Variants in PIP5K1B observed in about 807,000 individuals in gnomAD.
PIP5K1B encodes the protein phosphatidylinositol 4-phosphate 5-kinase type-1 beta.
A neutral mutation model predicts 67.0 loss-of-function variants in PIP5K1B; 42 were observed. That is an observed-to-expected ratio of 0.63 (90% CI 0.49 to 0.81). PIP5K1B has a LOEUF of 0.81. PIP5K1B is among the 30% of genes least tolerant of loss of function. The pLI is 0.00. For missense variants in PIP5K1B, 459 were observed against 646.3 expected (o/e 0.71, Z 3.14); for synonymous variants, 214 against 231.4 (o/e 0.92, Z 0.68).
At chr9:68,891,644 T>A (rs919296593) in intron 7 of PIP5K1B, among the ~76,000 whole-genome samples, 1 of 151,990 alleles carries the variant, frequency 6.6e-6, no homozygotes, top group African/African-American at 2.4e-5. Flanking sequence ...GAGTCTTGAG[T>A]ACAAAAAGAA....
At chr9:68,900,823 C>T (rs1205695590) in intron 8 of PIP5K1B, among the ~76,000 whole-genome samples, 1 of 152,138 alleles carries the variant, frequency 6.6e-6, no homozygotes, top group Non-Finnish European at 1.5e-5. Context: ...TGAAACCAGT[C>T]TCAAGAATAC....
intron 6 of PIP5K1B, among the ~76,000 whole-genome samples, chr9:68,880,277 C>G (rs113899826): frequency 0.018 from 2,771 of 152,208 alleles, 79 homozygotes; most frequent in African/African-American, 0.061. Flanking sequence ...GAGAGGCCAA[C>G]TGTGGTGGCT....
chr9:68,948,715 GA>G (rs35259230), intron 14 of PIP5K1B, among the ~76,000 whole-genome samples: 22,441 of 145,376 alleles, frequency 0.15, 1,897 homozygotes, highest in East Asian at 0.41. Flanking sequence ...CCCACCCCCA[GA>G]AAAAAAAAAA....
chr9:68,791,960 GCTTAAAATGGCATCTT>G (rs1470412025), intron 2 of PIP5K1B, among the ~76,000 whole-genome samples: 1 of 152,280 alleles, frequency 6.6e-6, no homozygotes, highest in African/African-American at 2.4e-5. Context: ...TGTGTCCTCT[GCTTAAAATGGCATCTT>G]CTTCCTCCTT....
chr9:68,840,438 G>A (rs747725503), intron 4 of PIP5K1B, among the ~76,000 whole-genome samples: 4 of 151,996 alleles, frequency 2.6e-5, no homozygotes, highest in Non-Finnish European at 5.9e-5. Flanking sequence ...TATTGCTGCA[G>A]TCGCAAATTA....
intron 4 of PIP5K1B, among the ~76,000 whole-genome samples, chr9:68,833,322 A>C (rs1441601704): frequency 2.0e-5 from 3 of 152,242 alleles, no homozygotes; most frequent in East Asian, 3.8e-4. Context: ...AGAGTGGACG[A>C]AAGAGTGTGC....
In PIP5K1B at chr9:68,919,677, T is replaced by G; in HGVS notation, c.1068-4T>G. On this transcript the variant is annotated splice_polypyrimidine_tract_variant and splice_region_variant and intron_variant, in intron 10 of 15. Transcript: ENST00000265382. ...CTCATTTCAATTTTTCCATTTATAT[T>G]TAGGTTAATGAAGAAGTTAGAACAT... 1 of 1,539,356 alleles carries G rather than the reference T, an allele frequency of 6.5e-7. No homozygotes were observed. Among genetic ancestry groups the G allele is most frequent in the Non-Finnish European group, 9.0e-7 (1 of 1,115,008 alleles).
chr9:68,932,188 C>T (rs1827038393), intron 12 of PIP5K1B, among the ~76,000 whole-genome samples: 1 of 152,156 alleles, frequency 6.6e-6, no homozygotes, highest in African/African-American at 2.4e-5. Flanking sequence ...TCACCCTGAT[C>T]GCATTTCCTT....
At chr9:68,779,454 A>G (rs747105222) in intron 2 of PIP5K1B, among the ~76,000 whole-genome samples, 15 of 152,068 alleles carry the variant, frequency 9.9e-5, no homozygotes, top group Non-Finnish European at 2.1e-4. Flanking sequence ...TAAGGTTTTA[A>G]TCTCCCAATA....
chr9:68,889,227 G>A, intron 7 of PIP5K1B, 94 bp downstream of exon 7: 4 of 880,278 alleles, frequency 4.5e-6, no homozygotes, highest in Admixed American at 4.5e-5. Flanking sequence ...ACTCAGGCAT[G>A]TTTCTTTCTC....
At chr9:68,820,733 A>G (rs746664318) in intron 3 of PIP5K1B, among the ~76,000 whole-genome samples, 2 of 152,220 alleles carry the variant, frequency 1.3e-5, no homozygotes, top group Admixed American at 6.5e-5. Context: ...CCCTTAAATT[A>G]TGGTTCCCTA....
At chr9:69,000,771 G>T (rs1466270772) in intron 15 of PIP5K1B, among the ~76,000 whole-genome samples, 7 of 152,158 alleles carry the variant, frequency 4.6e-5, no homozygotes, top group Admixed American at 2.0e-4. Context: ...CAACAGTTAG[G>T]ACTTTTAACA....
At chr9:68,753,822 C>A (rs925472755) in intron 2 of PIP5K1B, among the ~76,000 whole-genome samples, 4 of 152,120 alleles carry the variant, frequency 2.6e-5, no homozygotes, top group African/African-American at 9.6e-5. Context: ...CCGCACACAG[C>A]CTAATTTTTG....
intron 14 of PIP5K1B, among the ~76,000 whole-genome samples, chr9:68,972,947 T>C (rs181860049): frequency 3.9e-5 from 6 of 152,326 alleles, no homozygotes; most frequent in Admixed American, 3.9e-4. Context: ...GGACATCTAA[T>C]AGGTGCCTTC....
chr9:68,726,763 A>G (rs1176852732), intron 1 of PIP5K1B, among the ~76,000 whole-genome samples: 1 of 152,228 alleles, frequency 6.6e-6, no homozygotes, highest in Non-Finnish European at 1.5e-5. Context: ...GCATTCTCAT[A>G]TGAGAGTTTC....
intron 7 of PIP5K1B, 63 bp from the exon 8 acceptor site, chr9:68,894,276 A>G (rs1340470433): frequency 2.9e-5 from 28 of 975,542 alleles, no homozygotes; most frequent in Non-Finnish European, 3.9e-5. Flanking sequence ...ACACATCTTT[A>G]GTGGAGCATT....
intron 8 of PIP5K1B, among the ~76,000 whole-genome samples, chr9:68,901,478 C>T (rs1418023392): frequency 6.6e-6 from 1 of 152,106 alleles, no homozygotes; most frequent in Non-Finnish European, 1.5e-5. Flanking sequence ...AGGCTGGTCT[C>T]GAACTCCTGA....
intron 15 of PIP5K1B, among the ~76,000 whole-genome samples, chr9:69,003,480 G>GAAAA (rs1220209240): frequency 0.27 from 39,126 of 146,168 alleles, 5,643 homozygotes; most frequent in Middle Eastern, 0.35. Flanking sequence ...AAAAAAAAAG[G>GAAAA]GGGGGGGATA....
chr9:69,002,809 C>G (rs903495030), intron 15 of PIP5K1B, among the ~76,000 whole-genome samples: 2 of 151,842 alleles, frequency 1.3e-5, no homozygotes, highest in African/African-American at 4.8e-5. Context: ...ATGGTGAAAC[C>G]CCATCTCTAC....
Sources: gnomAD v4.1 joint callset for allele counts (sites outside exome capture counted in the v4.1 genomes callset) on GRCh38, gnomAD v4.1.1 for gene constraint, MANE v1.5 for transcripts, NCBI Gene and HGNC (gene_info 2026-07-23, HGNC 2026-07-21) for gene names.